Variants in PKHD1 observed in about 807,000 individuals in gnomAD.
PKHD1 encodes PKHD1 ciliary IPT domain containing fibrocystin/polyductin, also known as fibrocystin.
A neutral mutation model predicts 412.0 loss-of-function variants in PKHD1; 291 were observed. That is an observed-to-expected ratio of 0.71 (90% CI 0.64 to 0.78). The LOEUF is 0.78. Among genes scored for constraint, PKHD1 ranks in the 30% least tolerant of loss-of-function variants. The probability of loss-of-function intolerance (pLI) is 0.00; values close to 1 mark genes in which losing one functional copy is unlikely to be tolerated. For synonymous variants in PKHD1, 1,777 were observed against 1,821.5 expected, an observed-to-expected ratio of 0.98 and a Z score of 0.62; for missense variants, 4,825 against 4,950.7, an observed-to-expected ratio of 0.97 and a Z score of 0.76.
intron 61 of PKHD1, among the ~76,000 whole-genome samples, chr6:51,650,475 C>T (rs1461900600): frequency 1.3e-5 from 2 of 152,078 alleles, no homozygotes; most frequent in Non-Finnish European, 2.9e-5. Flanking sequence ...AAGTAGCCTA[C>T]TTTGCTTTCT....
chr6:51,933,724 G>C (rs1375296951), intron 37 of PKHD1, among the ~76,000 whole-genome samples: 2 of 152,192 alleles, frequency 1.3e-5, no homozygotes, highest in Admixed American at 6.5e-5. Context: ...CTAAAGCATC[G>C]TAACAGGTCT....
At chr6:51,904,172 G>A (rs372923539) in intron 41 of PKHD1, 130 bp from the exon 42 acceptor site, 1 of 695,502 alleles carries the variant, frequency 1.4e-6, no homozygotes. Flanking sequence ...GTAAATCAGG[G>A]AAAGAGATAC....
At chr6:51,743,339 T>A (rs1389140605) in intron 60 of PKHD1, among the ~76,000 whole-genome samples, 1 of 152,008 alleles carries the variant, frequency 6.6e-6, no homozygotes, top group Non-Finnish European at 1.5e-5. Context: ...AAAAGATGAC[T>A]CCCAGGTTTT....
rs1781588754 is a variant in PKHD1 at position 51,903,529 on chromosome 6, AC to A, written c.6996+67del. ...GCCCAGGGAAGCCAAAAGGTTGGAC[AC>A]CCCTGATTGAGAAAGAACTTTATGC... On this transcript the variant is annotated intron_variant, in intron 43 of 66. Transcript: ENST00000371117. The A allele has an allele frequency of 2.1e-6, 3 of 1,417,702 alleles. No homozygotes were observed. In the Admixed American group the frequency reaches 5.1e-5, roughly 24 times the overall value. 87.8% of individuals were successfully genotyped at this position (1,417,702 alleles called of 1,614,324 possible).
chr6:51,823,694 C>T (rs962958764), intron 52 of PKHD1, among the ~76,000 whole-genome samples: 6 of 152,114 alleles, frequency 3.9e-5, no homozygotes, highest in African/African-American at 1.4e-4. Context: ...GGGAAAAATG[C>T]ACTGCTATTT....
intron 37 of PKHD1, among the ~76,000 whole-genome samples, chr6:51,923,124 G>T (rs981047862): frequency 6.6e-6 from 1 of 152,122 alleles, no homozygotes; most frequent in Admixed American, 6.5e-5. Flanking sequence ...GGGTTCCAAG[G>T]ATTAGGACAT....
intron 37 of PKHD1, among the ~76,000 whole-genome samples, chr6:51,931,913 G>A (rs916575534): frequency 2.7e-5 from 4 of 145,852 alleles, no homozygotes; most frequent in Admixed American, 2.1e-4. Context: ...GGAGGGAGAA[G>A]GAGAATAAAG....
rs989522277 is a variant in PKHD1 at position 51,845,045 on chromosome 6, A to G, written c.8107+2730T>C. Among the ~76,000 whole-genome samples, 8 of 152,346 alleles carry G rather than the reference A, an allele frequency of 5.3e-5. No individual in the cohort carries two copies. In the East Asian group the frequency reaches 1.2e-3, roughly 22 times the overall value. On this transcript the variant is annotated intron_variant, in intron 50 of 66. Coordinates refer to ENST00000371117, the MANE Select transcript of PKHD1 (RefSeq NM_138694.4). ...TATAAAGTCAAGTGGTCTGAAAAAA[A>G]CAGTTAAGTGAAAGTTACAATCTAA...
chr6:51,951,859 AG>A (rs941056089), intron 36 of PKHD1, among the ~76,000 whole-genome samples: 1 of 152,206 alleles, frequency 6.6e-6, no homozygotes, highest in Non-Finnish European at 1.5e-5. Flanking sequence ...TGACCCTATA[AG>A]CCATATTAAG....
chr6:51,882,526 T>C (rs926343701), intron 46 of PKHD1, among the ~76,000 whole-genome samples: 1 of 152,184 alleles, frequency 6.6e-6, no homozygotes, highest in Admixed American at 6.5e-5. Flanking sequence ...ATGATTTCCA[T>C]AATGATGTGA....
At chr6:52,079,105 C>T (rs1359945564) in intron 5 of PKHD1, among the ~76,000 whole-genome samples, 2 of 152,214 alleles carry the variant, frequency 1.3e-5, no homozygotes, top group Non-Finnish European at 2.9e-5. Flanking sequence ...AGGGCAACCA[C>T]ATCGACAGGA....
chr6:51,980,797 C>G (rs1187125893), intron 35 of PKHD1, among the ~76,000 whole-genome samples: 1 of 152,224 alleles, frequency 6.6e-6, no homozygotes, highest in Non-Finnish European at 1.5e-5. Flanking sequence ...ATACTCTGAA[C>G]AGTACAGACT....
At chr6:51,903,828 A>C in intron 42 of PKHD1, 101 bp from the exon 43 acceptor site, 1 of 593,318 alleles carries the variant, frequency 1.7e-6, no homozygotes, top group South Asian at 1.8e-5. Flanking sequence ...CACATAATGC[A>C]TTTCATATAT....
intron 19 of PKHD1, 72 bp from the exon 20 acceptor site, chr6:52,054,237 A>G: frequency 6.8e-7 from 1 of 1,467,864 alleles, no homozygotes; most frequent in East Asian, 2.3e-5. Context: ...CGTAGTGAGG[A>G]GTCCACATCC....
chr6:52,050,532 A>G (rs1162185311), intron 21 of PKHD1, among the ~76,000 whole-genome samples: 1 of 152,256 alleles, frequency 6.6e-6, no homozygotes, highest in South Asian at 2.1e-4. Flanking sequence ...TTGATTCCAT[A>G]GAAAAGTTCA....
intron 53 of PKHD1, among the ~76,000 whole-genome samples, chr6:51,780,835 G>C (rs1228518587): frequency 6.6e-6 from 1 of 152,122 alleles, no homozygotes; most frequent in East Asian, 1.9e-4. Flanking sequence ...CAAAATTTTA[G>C]TCACATCTTC....
intron 5 of PKHD1, among the ~76,000 whole-genome samples, chr6:52,076,577 CTATTCTGTACCA>C (rs1811359102): frequency 2.0e-5 from 3 of 152,184 alleles, no homozygotes; most frequent in Admixed American, 2.0e-4. Context: ...ACATAGCCCT[CTATTCTGTACCA>C]TATTGTCCAA....
chr6:52,070,314 G>T, intron 10 of PKHD1, 92 bp downstream of exon 10: 1 of 859,680 alleles, frequency 1.2e-6, no homozygotes, highest in Non-Finnish European at 2.0e-6. Context: ...AACATTTTCC[G>T]TCATAAAAAG....
At chr6:51,829,585 CAA>C (rs1240556048) in intron 52 of PKHD1, among the ~76,000 whole-genome samples, 2 of 152,056 alleles carry the variant, frequency 1.3e-5, no homozygotes, top group Non-Finnish European at 2.9e-5. Context: ...CATCCTCCAT[CAA>C]AGAGAGGTGG....
Sources: gnomAD v4.1 joint callset for allele counts (sites outside exome capture counted in the v4.1 genomes callset) on GRCh38, gnomAD v4.1.1 for gene constraint, MANE v1.5 for transcripts, NCBI Gene and HGNC (gene_info 2026-07-23, HGNC 2026-07-21) for gene names.